The following NPEPPS variants were observed in gnomAD, a reference collection of about 807,000 sequenced individuals.
The protein encoded by NPEPPS is aminopeptidase puromycin sensitive, also known as puromycin-sensitive aminopeptidase.
A neutral mutation model predicts 115.5 loss-of-function variants in NPEPPS; 14 were observed. The ratio of observed to expected loss-of-function variants is 0.12; its 90% CI spans 0.08 to 0.19. NPEPPS has a LOEUF of 0.19. Ranked by LOEUF, NPEPPS falls within the 10% of genes least tolerant of loss-of-function variation. The pLI is 1.00. For missense variants in NPEPPS, 523 were observed against 1,110.8 expected, an observed-to-expected ratio of 0.47 and a Z score of 7.52; for synonymous variants, 285 against 390.6, an observed-to-expected ratio of 0.73 and a Z score of 3.19.
intron 1 of NPEPPS, among the ~76,000 whole-genome samples, chr17:47,538,545 T>C (rs1265948141): frequency 6.8e-6 from 1 of 146,788 alleles, no homozygotes; most frequent in Non-Finnish European, 1.5e-5. Flanking sequence ...TTTTTTTTTT[T>C]TGGAGACAGA....
chr17:47,618,270 T>C, intron 19 of NPEPPS, 80 bp from the exon 20 acceptor site: 1 of 868,782 alleles, frequency 1.2e-6, no homozygotes, highest in Non-Finnish European at 1.9e-6. Context: ...TTTACCTTAC[T>C]GGGGAAGAAG....
chr17:47,559,782 A>G, intron 2 of NPEPPS: 1 of 411,302 alleles, frequency 2.4e-6, no homozygotes, highest in South Asian at 1.8e-5. Context: ...TTTCTCTTCT[A>G]ATAGAGATAG....
intron 12 of NPEPPS, among the ~76,000 whole-genome samples, chr17:47,593,009 A>C (rs1462042212): frequency 6.6e-6 from 1 of 152,204 alleles, no homozygotes; most frequent in Non-Finnish European, 1.5e-5. Context: ...TTTGAGTGCC[A>C]ACATGATGCT....
intron 8 of NPEPPS, 162 bp from the exon 9 acceptor site, chr17:47,587,068 T>G: frequency 1.7e-6 from 1 of 577,786 alleles, no homozygotes; most frequent in East Asian, 3.2e-5. Flanking sequence ...GTTGGGGTAG[T>G]CTTTAATCTT....
intron 12 of NPEPPS, among the ~76,000 whole-genome samples, chr17:47,595,653 G>A (rs1384115552): frequency 3.3e-5 from 5 of 151,766 alleles, no homozygotes; most frequent in Admixed American, 2.0e-4. Flanking sequence ...GACCAGCCTG[G>A]GCAACATGGT....
At chr17:47,601,142 C>T (rs1242036959) in intron 14 of NPEPPS, among the ~76,000 whole-genome samples, 4 of 151,994 alleles carry the variant, frequency 2.6e-5, no homozygotes, top group Non-Finnish European at 5.9e-5. Flanking sequence ...AGCTGAGGCA[C>T]AAGAACTTCT....
At chr17:47,541,828 T>C (rs1215471314) in intron 1 of NPEPPS, among the ~76,000 whole-genome samples, 3 of 152,240 alleles carry the variant, frequency 2.0e-5, no homozygotes, top group African/African-American at 7.2e-5. Flanking sequence ...ATATTGCTGC[T>C]TAAAAGATAA....
intron 2 of NPEPPS, 76 bp from the exon 3 acceptor site, chr17:47,569,341 C>T: frequency 1.1e-6 from 1 of 927,530 alleles, no homozygotes; most frequent in Non-Finnish European, 1.7e-6. Context: ...AGATTTTGCT[C>T]TTGAAAATGT....
intron 22 of NPEPPS, 121 bp from the exon 23 acceptor site, chr17:47,621,647 A>C: frequency 1.1e-6 from 1 of 952,102 alleles, no homozygotes; most frequent in Non-Finnish European, 1.5e-6. Flanking sequence ...TGGCAGTGGT[A>C]AATTCTCATG....
intron 17 of NPEPPS, among the ~76,000 whole-genome samples, chr17:47,610,683 C>G (rs1248788352): frequency 5.9e-5 from 9 of 151,318 alleles, no homozygotes; most frequent in African/African-American, 2.2e-4. Flanking sequence ...CACCCAGACC[C>G]CCGGCTCTCT....
chr17:47,539,650 A>G (rs1908609621), intron 1 of NPEPPS, among the ~76,000 whole-genome samples: 1 of 152,110 alleles, frequency 6.6e-6, no homozygotes, highest in Non-Finnish European at 1.5e-5. Flanking sequence ...TCCTATGTAT[A>G]GTTTAAAACT....
chr17:47,599,336 C>T (rs1396528529), intron 13 of NPEPPS, among the ~76,000 whole-genome samples: 1 of 152,146 alleles, frequency 6.6e-6, no homozygotes, highest in Non-Finnish European at 1.5e-5. Flanking sequence ...ATCCATGAAA[C>T]TCATTAGCCC....
chr17:47,564,907 T>TTTTC (rs1276644199), intron 2 of NPEPPS, among the ~76,000 whole-genome samples: 1 of 151,960 alleles, frequency 6.6e-6, no homozygotes, highest in Non-Finnish European at 1.5e-5. Flanking sequence ...CACATAACAT[T>TTTTC]AGTAAATGTG....
chr17:47,612,663 CTT>C (rs35841962), intron 18 of NPEPPS, 61 bp downstream of exon 18: 87,765 of 1,060,764 alleles, frequency 0.083, no homozygotes, highest in South Asian at 0.1. Context: ...AAGCATGGAA[CTT>C]TTTTTTTTTT....
intron 12 of NPEPPS, among the ~76,000 whole-genome samples, chr17:47,593,851 T>G (rs1306624165): frequency 1.3e-5 from 2 of 152,086 alleles, no homozygotes; most frequent in African/African-American, 4.8e-5. Flanking sequence ...AAAGGTACAG[T>G]AAAAATATGA....
intron 1 of NPEPPS, among the ~76,000 whole-genome samples, chr17:47,534,735 AT>A (rs1395169076): frequency 6.6e-6 from 1 of 150,614 alleles, no homozygotes; most frequent in Non-Finnish European, 1.5e-5. Flanking sequence ...CGCCCAACTA[AT>A]TTTTGTATTT....
intron 2 of NPEPPS, among the ~76,000 whole-genome samples, chr17:47,552,152 G>A (rs1410720523): frequency 6.6e-6 from 1 of 151,060 alleles, no homozygotes. Flanking sequence ...TTTTTGTAGA[G>A]ATGGGGTTTT....
intron 1 of NPEPPS, among the ~76,000 whole-genome samples, chr17:47,541,386 T>C (rs1452558236): frequency 6.6e-6 from 1 of 152,266 alleles, no homozygotes; most frequent in Middle Eastern, 3.4e-3. Flanking sequence ...TGATTTTTTT[T>C]TTTTTTTAAG....
intron 1 of NPEPPS, among the ~76,000 whole-genome samples, chr17:47,525,574 C>T (rs367766794): frequency 4.6e-5 from 7 of 152,150 alleles, no homozygotes; most frequent in Non-Finnish European, 1.0e-4. Context: ...AACTCCCAAC[C>T]TCAGGTGAGC....
Sources: allele counts gnomAD v4.1 joint callset (sites outside exome capture counted in the v4.1 genomes callset), GRCh38; gene constraint gnomAD v4.1.1; transcripts MANE v1.5; gene names NCBI Gene and HGNC (gene_info 2026-07-23, HGNC 2026-07-21).